Variants in CACNA1C observed in about 807,000 individuals in gnomAD.
CACNA1C encodes calcium voltage-gated channel subunit alpha1 C.
A neutral mutation model predicts 229.0 loss-of-function variants in CACNA1C; 30 were observed. That is an observed-to-expected ratio of 0.13 (90% CI 0.10 to 0.18). The LOEUF is 0.18. Ranked by LOEUF, CACNA1C falls within the 10% of genes least tolerant of loss-of-function variation. The pLI, the probability that CACNA1C is intolerant of heterozygous loss-of-function variation, is 1.00. For missense variants in CACNA1C, 1,658 were observed against 2,845.0 expected, an observed-to-expected ratio of 0.58 and a Z score of 9.49; for synonymous variants, 1,114 against 1,132.5, an observed-to-expected ratio of 0.98 and a Z score of 0.33.
intron 1 of CACNA1C, among the ~76,000 whole-genome samples, chr12:2,055,823 T>C (rs193128806): frequency 1.3e-5 from 2 of 152,292 alleles, no homozygotes; most frequent in East Asian, 3.9e-4. Context: ...TCCCCTCTAC[T>C]CTCCATCTTC....
intron 3 of CACNA1C, among the ~76,000 whole-genome samples, chr12:2,307,487 A>C (rs1400440184): frequency 6.6e-6 from 1 of 152,188 alleles, no homozygotes; most frequent in African/African-American, 2.4e-5. Flanking sequence ...TTTCGGCTGC[A>C]TAGCTCTACT....
chr12:2,612,145 G>C lies in CACNA1C; in HGVS notation c.3828+132G>C, dbSNP rs369965897. On this transcript the variant is annotated intron_variant, in intron 29 of 46. Transcript: ENST00000399655. ...ATCGGTGAAGGACCATCCCTGCTCCGATGGTCAGTGCCCCAACTCCTACAC... is the reference window on the plus strand; with the variant it reads ...ATCGGTGAAGGACCATCCCTGCTCCCATGGTCAGTGCCCCAACTCCTACAC... The C allele has an allele frequency of 4.7e-6, 3 of 640,270 alleles. No homozygotes were observed. The East Asian group carries it at 8.3e-5, about 18-fold the overall frequency. The allele number at this position is 640,270 out of a possible 1,614,324, so 39.7% of individuals were successfully genotyped here. A position where few individuals can be genotyped will look rare whatever the true frequency, so the allele number is the denominator to read the frequency against.
intron 29 of CACNA1C, among the ~76,000 whole-genome samples, chr12:2,625,023 G>A (rs1220398657): frequency 6.6e-6 from 1 of 152,108 alleles, no homozygotes; most frequent in South Asian, 2.1e-4. Context: ...GAGTGCCCAC[G>A]GGGCACCGGG....
chr12:2,318,029 CA>C (rs1231591911), intron 3 of CACNA1C, among the ~76,000 whole-genome samples: 4 of 152,278 alleles, frequency 2.6e-5, no homozygotes, highest in African/African-American at 9.6e-5. Context: ...ACGGGGAGAG[CA>C]GGGGGCGAGC....
intron 3 of CACNA1C, among the ~76,000 whole-genome samples, chr12:2,356,510 G>A (rs1055987373): frequency 9.2e-5 from 14 of 152,226 alleles, no homozygotes; most frequent in Non-Finnish European, 1.6e-4. Context: ...GCAGGCAGGC[G>A]GCTGGCTCAG....
intron 29 of CACNA1C, among the ~76,000 whole-genome samples, chr12:2,622,542 A>G (rs1294256501): frequency 6.6e-6 from 1 of 152,182 alleles, no homozygotes; most frequent in Admixed American, 6.5e-5. Flanking sequence ...TTGCGACAGA[A>G]CCAGGGCCCT....
intron 3 of CACNA1C, among the ~76,000 whole-genome samples, chr12:2,268,744 G>A (rs2083456144): frequency 6.6e-6 from 1 of 152,200 alleles, no homozygotes; most frequent in Non-Finnish European, 1.5e-5. Context: ...GCTGGGGGAG[G>A]TTCCCCGGGA....
intron 8 of CACNA1C, among the ~76,000 whole-genome samples, chr12:2,510,358 C>T (rs1175452343): frequency 2.0e-5 from 3 of 152,202 alleles, no homozygotes; most frequent in African/African-American, 4.8e-5. Flanking sequence ...CTGTCTGTGC[C>T]TCATACTCCA....
At chr12:2,363,461 C>T (rs2097626464) in intron 3 of CACNA1C, among the ~76,000 whole-genome samples, 1 of 152,244 alleles carries the variant, frequency 6.6e-6, no homozygotes, top group African/African-American at 2.4e-5. Context: ...AAACCACTTT[C>T]AGCTGTCGGA....
intron 3 of CACNA1C, among the ~76,000 whole-genome samples, chr12:2,438,395 ATGG>A (rs747929642): frequency 0.011 from 685 of 63,158 alleles, 6 homozygotes; most frequent in African/African-American, 0.03. Context: ...CATGGTAGTC[ATGG>A]TGGTGGTGGT....
chr12:2,443,951 T>C (rs1260003030), intron 3 of CACNA1C, among the ~76,000 whole-genome samples: 2 of 152,184 alleles, frequency 1.3e-5, no homozygotes. Context: ...TTGCAACATT[T>C]AGTCAGCACA....
Position 2,604,712 on chromosome 12 carries a change from C to T in CACNA1C, c.2961-369C>T, listed in dbSNP as rs117279365. 7.0e-3 allele frequency among the ~76,000 whole-genome samples: 1,067 copies of T among 152,330 alleles called. 5 individuals carry two copies. Among genetic ancestry groups the T allele is most frequent in the Non-Finnish European group, 0.012 (793 of 68,022 alleles). ...TCAGAAAATTTAGGAAATTTGTCCT[C>T]AGTGCCTTGGCTAGCAAGTGCCTGC... On this transcript the variant is annotated intron_variant, in intron 22 of 46. Transcript: ENST00000399655.
Position 2,679,852 on chromosome 12 carries a change from T to C in CACNA1C, c.5444+56T>C. On this transcript the variant is annotated intron_variant, in intron 42 of 46. Transcript: ENST00000399655. This position sits in a 1 kb window ranked among gnomAD's most constrained non-coding sequence, Gnocchi z 5.5. Reference sequence around the variant, plus strand: ...ACACAGGGCCCACGTGCTGCAACCCTCAGGAGACAGTGGAGGAGACGGAGG... The same window carrying C: ...ACACAGGGCCCACGTGCTGCAACCCCCAGGAGACAGTGGAGGAGACGGAGG... The C allele has an allele frequency of 7.8e-7, 1 of 1,277,792 alleles. No homozygotes were observed. Among genetic ancestry groups the C allele is most frequent in the Non-Finnish European group, 1.1e-6 (1 of 923,154 alleles). 79.2% of individuals were successfully genotyped at this position (1,277,792 alleles called of 1,614,324 possible). A position where few individuals can be genotyped will look rare whatever the true frequency, so the allele number is the denominator to read the frequency against.
At chr12:2,648,888 G>A (rs1293416148) in intron 31 of CACNA1C, among the ~76,000 whole-genome samples, 1 of 152,160 alleles carries the variant, frequency 6.6e-6, no homozygotes, top group East Asian at 1.9e-4. Context: ...GAGAGCCATG[G>A]TAGGGCTCCA....
intron 3 of CACNA1C, among the ~76,000 whole-genome samples, chr12:2,429,152 T>G (rs1250308105): frequency 2.0e-5 from 3 of 151,834 alleles, no homozygotes; most frequent in Non-Finnish European, 4.4e-5. Context: ...GCTTCCCTCT[T>G]TGTGTGTGTC....
At chr12:2,042,740 T>C (rs985445869) in intron 1 of CACNA1C, among the ~76,000 whole-genome samples, 1 of 152,154 alleles carries the variant, frequency 6.6e-6, no homozygotes, top group Non-Finnish European at 1.5e-5. Context: ...CCCCGGGTTG[T>C]CCTCCGGTGA....
intron 5 of CACNA1C, among the ~76,000 whole-genome samples, chr12:2,465,695 G>A (rs909103149): frequency 6.6e-5 from 10 of 152,128 alleles, no homozygotes; most frequent in South Asian, 4.2e-4. Flanking sequence ...CAAAAAAACC[G>A]CACTGCAGAG....
chr12:2,357,101 T>C (rs1027202164), intron 3 of CACNA1C, among the ~76,000 whole-genome samples: 1 of 152,228 alleles, frequency 6.6e-6, no homozygotes, highest in Non-Finnish European at 1.5e-5. Context: ...TCTGGGCTTT[T>C]TATGTGTCAC....
In CACNA1C at chr12:2,181,343, G is replaced by A. The variant is rs554005462; in HGVS notation, c.477+60913G>A. Among the ~76,000 whole-genome samples, 6 of 152,246 alleles carry A rather than the reference G, an allele frequency of 3.9e-5. No individual in the cohort carries two copies. Among genetic ancestry groups the A allele is most frequent in the African/African-American group, 1.2e-4 (5 of 41,544 alleles). ...TTGAAGTTATTTAGAGAATCTCTAA[G>A]ATACAAGTGGAGAGACAGCTGGAAG... On this transcript the variant is annotated intron_variant, in intron 3 of 46. Coordinates refer to ENST00000399655, the MANE Select transcript of CACNA1C (RefSeq NM_000719.7). This position sits in a 1 kb window ranked among gnomAD's most constrained non-coding sequence, Gnocchi z 4.0.
Sources: gnomAD v4.1 joint callset for allele counts (sites outside exome capture counted in the v4.1 genomes callset) on GRCh38, gnomAD v4.1.1 for gene constraint, Gnocchi (gnomAD v3.1) non-coding constraint, MANE v1.5 for transcripts, NCBI Gene and HGNC (gene_info 2026-07-23, HGNC 2026-07-21) for gene names.